The following ALPK1 variants were observed in gnomAD, a reference collection of about 807,000 sequenced individuals.
ALPK1 encodes alpha-protein kinase 1.
In ALPK1, 110 loss-of-function variants were observed where a neutral mutation model predicts 120.6. The ratio of observed to expected loss-of-function variants is 0.91; its 90% CI spans 0.78 to 1.07. The LOEUF (loss-of-function observed/expected upper bound fraction) is 1.07. ALPK1 is among the 50% of genes least tolerant of loss of function. The pLI is 0.00. For synonymous variants in ALPK1, 582 were observed against 560.3 expected (o/e 1.04, Z -0.55); for missense variants, 1,498 against 1,483.9 (o/e 1.01, Z -0.16).
chr4:112,405,029 G>A (rs1386689135), intron 4 of ALPK1, among the ~76,000 whole-genome samples: 1 of 152,178 alleles, frequency 6.6e-6, no homozygotes, highest in Non-Finnish European at 1.5e-5. Context: ...ATTTCAGGTG[G>A]CTTTTTCCCC....
intron 2 of ALPK1, among the ~76,000 whole-genome samples, chr4:112,371,810 A>G (rs1199164927): frequency 6.6e-6 from 1 of 152,238 alleles, no homozygotes; most frequent in Non-Finnish European, 1.5e-5. Context: ...ATACATACAT[A>G]AAAACGATAT....
chr4:112,382,688 AAT>A lies in ALPK1; in HGVS notation c.276+137_276+138del, dbSNP rs1578520556. On this transcript the variant is annotated intron_variant, in intron 4 of 15. Transcript: ENST00000650871. Reference sequence around the variant, plus strand: ...TATGCTCAGCTCTGCCAGATTGACTAATGTGAGGGAAATAGCTGTTTGAAAAA... The same window carrying A: ...TATGCTCAGCTCTGCCAGATTGACTAGTGAGGGAAATAGCTGTTTGAAAAA... The A allele has an allele frequency of 1.9e-5, 23 of 1,220,070 alleles. No homozygotes were observed. The East Asian group carries it at 5.5e-4, about 29-fold the overall frequency. The allele number at this position is 1,220,070 out of a possible 1,614,324, so 75.6% of individuals were successfully genotyped here. A position where few individuals can be genotyped will look rare whatever the true frequency, so the allele number is the denominator to read the frequency against.
rs77045971 is a variant in ALPK1 at position 112,379,881 on chromosome 4, G to A, written c.121+1983G>A. 3.2e-4 allele frequency among the ~76,000 whole-genome samples: 49 copies of A among 152,282 alleles called. 2 individuals are homozygous for A. The East Asian group carries it at 9.5e-3, about 29-fold the overall frequency. On this transcript the variant is annotated intron_variant, in intron 3 of 15. Transcript: ENST00000650871. Reference sequence around the variant, plus strand: ...AGAGTGCCTCACAGGACATTCTGACGTGAGGTGTGGGGAAAGGGTGATGTG... The same window carrying A: ...AGAGTGCCTCACAGGACATTCTGACATGAGGTGTGGGGAAAGGGTGATGTG...
At chr4:112,322,066 C>T (rs543398096) in intron 2 of ALPK1, among the ~76,000 whole-genome samples, 1 of 152,290 alleles carries the variant, frequency 6.6e-6, no homozygotes, top group South Asian at 2.1e-4. Flanking sequence ...ATGTGAATGA[C>T]GGCAAACATT....
intron 12 of ALPK1, 67 bp from the exon 13 acceptor site, chr4:112,438,415 CCT>C: frequency 2.8e-6 from 4 of 1,453,154 alleles, no homozygotes; most frequent in Non-Finnish European, 3.8e-6. Context: ...CTTTTGATCT[CCT>C]CTCTCTTACT....
intron 2 of ALPK1, among the ~76,000 whole-genome samples, chr4:112,374,008 C>CA (rs1731536897): frequency 2.6e-5 from 4 of 152,310 alleles, no homozygotes; most frequent in Non-Finnish European, 5.9e-5. Context: ...GCTGGAGTGG[C>CA]TGTGGCAATT....
intron 5 of ALPK1, among the ~76,000 whole-genome samples, chr4:112,419,623 A>G (rs1733900361): frequency 1.3e-5 from 2 of 152,202 alleles, no homozygotes; most frequent in Non-Finnish European, 2.9e-5. Flanking sequence ...GAAACTCTAA[A>G]AACTGCAGAT....
At chr4:112,424,096 C>A in intron 6 of ALPK1, 93 bp downstream of exon 6, 2 of 1,237,206 alleles carry the variant, frequency 1.6e-6, no homozygotes, top group Non-Finnish European at 2.3e-6. Flanking sequence ...AGTTACTATA[C>A]CTTAGATGTT....
chr4:112,337,543 T>A (rs1729673020), intron 2 of ALPK1, among the ~76,000 whole-genome samples: 1 of 152,074 alleles, frequency 6.6e-6, no homozygotes, highest in African/African-American at 2.4e-5. Context: ...AAAAAAATTT[T>A]AAAAATAAAA....
At chr4:112,311,459 C>A (rs569122350) in intron 1 of ALPK1, among the ~76,000 whole-genome samples, 1 of 152,226 alleles carries the variant, frequency 6.6e-6, no homozygotes, top group South Asian at 2.1e-4. Flanking sequence ...TTTCTACCTC[C>A]TTGCTATGCT....
At chr4:112,397,072 T>C (rs1425012190) in intron 4 of ALPK1, among the ~76,000 whole-genome samples, 2 of 152,198 alleles carry the variant, frequency 1.3e-5, no homozygotes, top group African/African-American at 4.8e-5. Context: ...CCACAGTGCC[T>C]GGCCCTGTGG....
Position 112,438,209 on chromosome 4 carries a change from T to A in ALPK1, c.3189-275T>A, listed in dbSNP as rs78253010. 5.6e-3 allele frequency among the ~76,000 whole-genome samples: 853 copies of A among 152,320 alleles called. 4 individuals are homozygous for A. The highest frequency in any genetic ancestry group is 9.6e-3 in the Non-Finnish European group (655 of 68,012). ...GTATACTTTGCTGACCCCCTTGTCT[T>A]ACCAGAGGTCTGGAGAACTTCTACA... is the stretch of plus-strand genomic sequence containing the variant. On this transcript the variant is annotated intron_variant, in intron 12 of 15. Coordinates refer to ENST00000650871, the MANE Select transcript of ALPK1 (RefSeq NM_025144.4).
intron 2 of ALPK1, among the ~76,000 whole-genome samples, chr4:112,361,146 T>A (rs992486744): frequency 6.6e-6 from 1 of 151,900 alleles, no homozygotes; most frequent in Non-Finnish European, 1.5e-5. Flanking sequence ...GAGACCCACA[T>A]TTGTGAACTT....
At chr4:112,319,679 G>A (rs1348455460) in intron 2 of ALPK1, among the ~76,000 whole-genome samples, 1 of 152,168 alleles carries the variant, frequency 6.6e-6, no homozygotes, top group Non-Finnish European at 1.5e-5. Context: ...CCATGAGCAT[G>A]GGATGTGTTT....
intron 2 of ALPK1, among the ~76,000 whole-genome samples, chr4:112,338,508 T>A (rs1729724088): frequency 6.6e-6 from 1 of 152,100 alleles, no homozygotes; most frequent in Non-Finnish European, 1.5e-5. Context: ...AAAGTGATAC[T>A]AAACAGACAA....
Position 112,430,588 on chromosome 4 carries a change from A to G in ALPK1, c.1041A>G (p.Gly347=). ...LTKRDDEPVT[G]KQELHSFVKA... ...AGAGAGATGATGAGCCTGTTACTGGAAAACAGGAGCTTCACAGCTTTGTCA... is the reference window on the plus strand; with the variant it reads ...AGAGAGATGATGAGCCTGTTACTGGGAAACAGGAGCTTCACAGCTTTGTCA... Residue 347 remains glycine (G), a synonymous_variant, in exon 11 of 16, where the codon GGA becomes GGG. Coordinates refer to ENST00000650871, the MANE Select transcript of ALPK1 (RefSeq NM_025144.4). 1 of 1,614,160 alleles carries G rather than the reference A, an allele frequency of 6.2e-7. No homozygotes were observed.
intron 2 of ALPK1, among the ~76,000 whole-genome samples, chr4:112,321,488 A>G (rs1468434835): frequency 6.6e-6 from 1 of 152,150 alleles, no homozygotes; most frequent in Non-Finnish European, 1.5e-5. Context: ...ATTTAATGCT[A>G]TGAACTTTCC....
At chr4:112,404,575 T>C (rs542369012) in intron 4 of ALPK1, among the ~76,000 whole-genome samples, 68 of 152,362 alleles carry the variant, frequency 4.5e-4, no homozygotes, top group African/African-American at 1.6e-3. Context: ...TGTTAACATT[T>C]GACTTAGATC....
chr4:112,395,078 G>A (rs543946130), intron 4 of ALPK1, among the ~76,000 whole-genome samples: 3 of 152,248 alleles, frequency 2.0e-5, no homozygotes, highest in Non-Finnish European at 4.4e-5. Flanking sequence ...TGCAACAAAC[G>A]TCAAACACCA....
Sources: allele counts gnomAD v4.1 joint callset (sites outside exome capture counted in the v4.1 genomes callset), GRCh38; gene constraint gnomAD v4.1.1; transcripts MANE v1.5; gene names NCBI Gene and HGNC (gene_info 2026-07-23, HGNC 2026-07-21).